PRKN: variants seen among roughly 807,000 people sequenced by gnomAD.
PRKN encodes the protein parkin RBR E3 ubiquitin protein ligase, also known as E3 ubiquitin-protein ligase parkin.
In PRKN, 56 loss-of-function variants were observed where a neutral mutation model predicts 59.5. The observed-to-expected ratio is 0.94, with a 90% CI of 0.76 to 1.18. The LOEUF (loss-of-function observed/expected upper bound fraction) is 1.18, where lower values mean the gene tolerates loss of function less well. PRKN is among the 50% of genes most tolerant of loss of function. PRKN has a pLI of 0.00. For missense variants in PRKN, 657 were observed against 596.4 expected, an observed-to-expected ratio of 1.10 and a Z score of -1.06; for synonymous variants, 250 against 222.1, an observed-to-expected ratio of 1.13 and a Z score of -1.12.
chr6:162,096,943 T>A (rs1583026678), intron 4 of PRKN, among the ~76,000 whole-genome samples: 1 of 133,850 alleles, frequency 7.5e-6, no homozygotes. Flanking sequence ...CTTGGCTCAG[T>A]GCAACCTCTG....
chr6:161,641,315 T>C (rs933514714), intron 7 of PRKN, among the ~76,000 whole-genome samples: 4 of 152,216 alleles, frequency 2.6e-5, no homozygotes, highest in Admixed American at 2.6e-4. Flanking sequence ...ATCATTATTG[T>C]AAAACCTAAA....
chr6:161,853,027 G>C (rs1162881439), intron 6 of PRKN, among the ~76,000 whole-genome samples: 1 of 152,114 alleles, frequency 6.6e-6, no homozygotes, highest in Admixed American at 6.6e-5. Context: ...GAGACACTGG[G>C]ATTTTCCTAA....
chr6:161,971,314 A>G (rs183373655), intron 6 of PRKN, among the ~76,000 whole-genome samples: 1 of 152,354 alleles, frequency 6.6e-6, no homozygotes, highest in South Asian at 2.1e-4. Context: ...TAATACCATC[A>G]TCACCACATA....
Position 162,011,204 on chromosome 6 carries a change from A to T in PRKN, c.619-37787T>A, listed in dbSNP as rs181834619. On this transcript the variant is annotated intron_variant, in intron 5 of 11. Coordinates refer to ENST00000366898, the MANE Select transcript of PRKN (RefSeq NM_004562.3). ...TATATTTTATAATATATACTATATTATATATAATATAGTATATATTTATAA... is the reference window on the plus strand; with the variant it reads ...TATATTTTATAATATATACTATATTTTATATAATATAGTATATATTTATAA... Among the ~76,000 whole-genome samples, 669 of 73,428 alleles carry T rather than the reference A, an allele frequency of 9.1e-3. 1 individual carries two copies. The highest frequency in any genetic ancestry group is 0.014 in the Non-Finnish European group (498 of 35,588). 48.2% of individuals were successfully genotyped at this position (73,428 alleles called of 152,430 possible). A position where few individuals can be genotyped will look rare whatever the true frequency, so the allele number is the denominator to read the frequency against.
chr6:162,086,028 T>C (rs779064929), intron 4 of PRKN, among the ~76,000 whole-genome samples: 6 of 152,148 alleles, frequency 3.9e-5, no homozygotes, highest in Non-Finnish European at 7.3e-5. Flanking sequence ...AATCTCCCCA[T>C]AGAACTCCTT....
intron 8 of PRKN, among the ~76,000 whole-genome samples, chr6:161,555,738 C>T (rs759241530): frequency 6.6e-6 from 1 of 152,098 alleles, no homozygotes; most frequent in African/African-American, 2.4e-5. Context: ...TGCACTCATT[C>T]CTCTATCCTT....
chr6:162,115,205 T>A (rs551957101), intron 4 of PRKN, among the ~76,000 whole-genome samples: 3 of 152,062 alleles, frequency 2.0e-5, no homozygotes, highest in African/African-American at 7.2e-5. Context: ...GGGACATGGA[T>A]GAAACTGGAA....
chr6:162,217,369 T>C (rs1288050263), intron 3 of PRKN, among the ~76,000 whole-genome samples: 1 of 152,134 alleles, frequency 6.6e-6, no homozygotes, highest in African/African-American at 2.4e-5. Context: ...CTACTTACAT[T>C]TTTTTGTTTG....
intron 10 of PRKN, among the ~76,000 whole-genome samples, chr6:161,364,930 CAAA>C (rs67693234): frequency 3.2e-4 from 39 of 121,028 alleles, no homozygotes; most frequent in Middle Eastern, 4.4e-3. Flanking sequence ...GACTTTGTCT[CAAA>C]AAAAAAAAAA....
At chr6:162,313,181 C>G (rs1374302652) in intron 2 of PRKN, among the ~76,000 whole-genome samples, 1 of 152,042 alleles carries the variant, frequency 6.6e-6, no homozygotes, top group African/African-American at 2.4e-5. Flanking sequence ...TGCTAAGGAC[C>G]ACAGTTGTGC....
At chr6:161,955,246 C>T (rs745507935) in intron 6 of PRKN, among the ~76,000 whole-genome samples, 4 of 151,988 alleles carry the variant, frequency 2.6e-5, no homozygotes, top group South Asian at 2.1e-4. Flanking sequence ...ATCAACACAC[C>T]GGATGCCAGG....
chr6:161,771,351 A>T (rs11755936), intron 7 of PRKN, among the ~76,000 whole-genome samples: 1 of 88,636 alleles, frequency 1.1e-5, no homozygotes, highest in Non-Finnish European at 2.3e-5. Flanking sequence ...ACAAGACTCC[A>T]CCTCAAAAAA....
At chr6:162,669,033 A>G (rs1779219144) in intron 1 of PRKN, among the ~76,000 whole-genome samples, 1 of 152,126 alleles carries the variant, frequency 6.6e-6, no homozygotes, top group African/African-American at 2.4e-5. Flanking sequence ...AGGTTAAACA[A>G]TTTGCCTAAA....
intron 5 of PRKN, among the ~76,000 whole-genome samples, chr6:162,031,867 G>T (rs1783655967): frequency 6.6e-6 from 1 of 152,096 alleles, no homozygotes; most frequent in Admixed American, 6.6e-5. Context: ...ATGTCCTGAG[G>T]ATATATGAAG....
At chr6:162,622,318 G>C (rs1428217902) in intron 1 of PRKN, among the ~76,000 whole-genome samples, 1 of 105,712 alleles carries the variant, frequency 9.5e-6, no homozygotes, top group Non-Finnish European at 2.1e-5. Flanking sequence ...GTTTTTTTTT[G>C]GTAGCAGAGT....
At chr6:162,176,703 A>G (rs958318198) in intron 4 of PRKN, among the ~76,000 whole-genome samples, 1 of 152,180 alleles carries the variant, frequency 6.6e-6, no homozygotes. Context: ...GATACCATAA[A>G]TAAAAAACAG....
intron 2 of PRKN, among the ~76,000 whole-genome samples, chr6:162,356,944 T>A (rs930052167): frequency 6.6e-6 from 1 of 151,968 alleles, no homozygotes; most frequent in African/African-American, 2.4e-5. Flanking sequence ...AATAAATCAT[T>A]ACAGTTTACA....
intron 2 of PRKN, among the ~76,000 whole-genome samples, chr6:162,288,922 A>G (rs999485051): frequency 1.3e-5 from 2 of 152,164 alleles, no homozygotes; most frequent in African/African-American, 4.8e-5. Flanking sequence ...CAGCAGTACC[A>G]TTGTGAAGTC....
intron 1 of PRKN, among the ~76,000 whole-genome samples, chr6:162,498,440 T>TA: frequency 2.4e-5 from 1 of 40,828 alleles, no homozygotes; most frequent in Non-Finnish European, 5.2e-5. Flanking sequence ...TTCCTTTTTC[T>TA]TTTTTTTTTT....
Sources: gnomAD v4.1 joint callset for allele counts (sites outside exome capture counted in the v4.1 genomes callset) on GRCh38, gnomAD v4.1.1 for gene constraint, MANE v1.5 for transcripts, NCBI Gene and HGNC (gene_info 2026-07-23, HGNC 2026-07-21) for gene names.